NPR3: variants seen among roughly 807,000 people sequenced by gnomAD.
NPR3 encodes atrial natriuretic peptide receptor 3.
NPR3 carries 34 observed loss-of-function variants against 54.5 expected under a neutral mutation model. The ratio of observed to expected loss-of-function variants is 0.62; its 90% CI spans 0.47 to 0.83. The LOEUF is 0.83. Ranked by LOEUF, NPR3 falls within the 40% of genes least tolerant of loss-of-function variation. The pLI is 0.00. For missense variants in NPR3, 674 were observed against 720.8 expected, an observed-to-expected ratio of 0.94 and a Z score of 0.74; for synonymous variants, 289 against 297.1, an observed-to-expected ratio of 0.97 and a Z score of 0.28.
rs201633608 is a variant in NPR3, at chr5:32,758,062, C to CT, written c.1060-16638dup. 3.4e-3 allele frequency among the ~76,000 whole-genome samples: 490 copies of CT among 145,120 alleles called. 2 individuals are homozygous for CT. Among genetic ancestry groups the CT allele is most frequent in the African/African-American group, 0.012 (473 of 40,990 alleles). ...AGCAGGGATATTGGTCTAAAATTCT[C>CT]TTTTTTTTGTTGTGCTTCTGCCAGG... is the stretch of plus-strand genomic sequence containing the variant. On this transcript the variant is annotated intron_variant, in intron 3 of 7. Coordinates refer to ENST00000265074, the MANE Select transcript of NPR3 (RefSeq NM_001204375.2).
chr5:32,736,250 A>AAAAAAAG (rs1739744343), intron 2 of NPR3, among the ~76,000 whole-genome samples: 1 of 128,572 alleles, frequency 7.8e-6, no homozygotes, highest in African/African-American at 3.3e-5. Flanking sequence ...AAAAAAAAAG[A>AAAAAAAG]AAAAAAAAAG....
chr5:32,733,344 A>G (rs1579624612), intron 2 of NPR3, among the ~76,000 whole-genome samples: 1 of 152,360 alleles, frequency 6.6e-6, no homozygotes, highest in East Asian at 1.9e-4. Flanking sequence ...GATTGAAAAT[A>G]AGACTTAAAA....
At chr5:32,767,949 T>A (rs1443915034) in intron 3 of NPR3, among the ~76,000 whole-genome samples, 1 of 152,094 alleles carries the variant, frequency 6.6e-6, no homozygotes. Context: ...GGCCAGAAAT[T>A]GGGCCCCTCC....
chr5:32,770,028 TA>T (rs974099846), intron 3 of NPR3, among the ~76,000 whole-genome samples: 1 of 152,114 alleles, frequency 6.6e-6, no homozygotes, highest in Non-Finnish European at 1.5e-5. Flanking sequence ...ATAGAGGATC[TA>T]AAAAAACACT....
At chr5:32,748,494 G>T (rs981242504) in intron 3 of NPR3, among the ~76,000 whole-genome samples, 2 of 152,208 alleles carry the variant, frequency 1.3e-5, no homozygotes, top group East Asian at 3.9e-4. Context: ...AGACTCCAAA[G>T]GTAGGGTTGC....
At chr5:32,781,065 C>T (rs570929085) in intron 5 of NPR3, among the ~76,000 whole-genome samples, 6 of 150,060 alleles carry the variant, frequency 4.0e-5, no homozygotes, top group South Asian at 2.2e-4. Context: ...TGAGGGTCAT[C>T]GGGTAAAATC....
At chr5:32,691,919 G>T (rs1483106455) in intron 1 of NPR3, among the ~76,000 whole-genome samples, 1 of 152,150 alleles carries the variant, frequency 6.6e-6, no homozygotes, top group Non-Finnish European at 1.5e-5. Context: ...GCTATTCTCT[G>T]CAAAAATAAG....
At chr5:32,755,726 CT>C (rs1740800895) in intron 3 of NPR3, among the ~76,000 whole-genome samples, 1 of 152,170 alleles carries the variant, frequency 6.6e-6, no homozygotes, top group African/African-American at 2.4e-5. Flanking sequence ...AAATTTGTTC[CT>C]TCCTTGACTG....
chr5:32,700,471 T>C (rs889804715), intron 1 of NPR3, among the ~76,000 whole-genome samples: 2 of 152,096 alleles, frequency 1.3e-5, no homozygotes, highest in East Asian at 3.9e-4. Flanking sequence ...TAGGTATACA[T>C]GTGCCATATT....
intron 2 of NPR3, among the ~76,000 whole-genome samples, chr5:32,731,569 T>C (rs1468193533): frequency 2.0e-5 from 3 of 152,242 alleles, no homozygotes; most frequent in Non-Finnish European, 4.4e-5. Flanking sequence ...TTGGAATAAC[T>C]ATTTAATAAA....
intron 3 of NPR3, among the ~76,000 whole-genome samples, chr5:32,750,972 T>C (rs148869601): frequency 8.1e-4 from 124 of 152,290 alleles, no homozygotes; most frequent in African/African-American, 2.8e-3. Context: ...TGATTTTACT[T>C]TATGTCTGGA....
Position 32,789,890 on chromosome 5 carries a change from C to T in NPR3, c.*3545C>T. The T allele has an allele frequency of 4.8e-6, 2 of 412,798 alleles. No homozygotes were observed. The highest frequency in any genetic ancestry group is 4.0e-5 in the South Asian group (2 of 50,110). 25.6% of individuals were successfully genotyped at this position (412,798 alleles called of 1,614,324 possible). On this transcript the variant is annotated 3_prime_UTR_variant, in exon 8 of 8. Transcript: ENST00000265074. ...TGGGAGATCAAATAGAGTATTATGC[C>T]ACTGTGAGTGTTTATAAACTGGAAG...
intron 3 of NPR3, among the ~76,000 whole-genome samples, chr5:32,771,479 T>G (rs911672358): frequency 5.3e-5 from 8 of 152,196 alleles, no homozygotes; most frequent in African/African-American, 1.9e-4. Context: ...CTCCACCACG[T>G]AATCTTTCTT....
intron 3 of NPR3, among the ~76,000 whole-genome samples, chr5:32,748,970 ATTT>A (rs1740436729): frequency 6.6e-6 from 1 of 152,052 alleles, no homozygotes; most frequent in South Asian, 2.1e-4. Context: ...TATTTATTGA[ATTT>A]TTAATTTTTG....
At chr5:32,714,122 C>T (rs549590610) in intron 1 of NPR3, among the ~76,000 whole-genome samples, 1 of 148,348 alleles carries the variant, frequency 6.7e-6, no homozygotes, top group South Asian at 2.2e-4. Flanking sequence ...CAGTTCTCGG[C>T]TTTCGAGGGC....
chr5:32,785,728 T>A (rs984537090), intron 7 of NPR3, among the ~76,000 whole-genome samples: 1 of 152,216 alleles, frequency 6.6e-6, no homozygotes, highest in Non-Finnish European at 1.5e-5. Flanking sequence ...GTGTGTGCAC[T>A]GGTACTGATT....
chr5:32,745,856 T>A (rs1561105011), intron 3 of NPR3, among the ~76,000 whole-genome samples: 1 of 152,226 alleles, frequency 6.6e-6, no homozygotes, highest in Non-Finnish European at 1.5e-5. Context: ...GATAATCAGA[T>A]GCTGTTTATT....
chr5:32,745,799 G>A (rs1198053446), intron 3 of NPR3, among the ~76,000 whole-genome samples: 3 of 152,138 alleles, frequency 2.0e-5, no homozygotes, highest in African/African-American at 7.2e-5. Context: ...CATCCTCAGT[G>A]ACCTGGTTTT....
intron 6 of NPR3, 180 bp downstream of exon 6, chr5:32,783,208 C>T (rs563931207): frequency 1.7e-5 from 9 of 514,598 alleles, no homozygotes; most frequent in African/African-American, 1.6e-4. Flanking sequence ...TCCTTCCCTT[C>T]CAGTCTTCTC....
Sources: gnomAD v4.1 joint callset for allele counts (sites outside exome capture counted in the v4.1 genomes callset) on GRCh38, gnomAD v4.1.1 for gene constraint, MANE v1.5 for transcripts, NCBI Gene and HGNC (gene_info 2026-07-23, HGNC 2026-07-21) for gene names.